Variants in R3HDM2 observed in about 807,000 individuals in gnomAD.
The protein encoded by R3HDM2 is R3H domain containing 2.
R3HDM2 carries 38 observed loss-of-function variants against 124.5 expected under a neutral mutation model. The observed-to-expected ratio is 0.31, with a 90% CI of 0.24 to 0.40. R3HDM2 has a LOEUF of 0.40. Among genes scored for constraint, R3HDM2 ranks in the 10% least tolerant of loss-of-function variants. The probability of loss-of-function intolerance (pLI) is 1.00; values close to 1 mark genes in which losing one functional copy is unlikely to be tolerated. For missense variants in R3HDM2, 869 were observed against 1,236.9 expected (o/e 0.70, Z 4.46); for synonymous variants, 391 against 448.0 (o/e 0.87, Z 1.61).
intron 1 of R3HDM2, among the ~76,000 whole-genome samples, chr12:57,401,439 C>T (rs1240981360): frequency 6.6e-6 from 1 of 152,180 alleles, no homozygotes; most frequent in Non-Finnish European, 1.5e-5. Context: ...CTATCCAGGT[C>T]CAACCAGCCC....
At chr12:57,420,715 C>T (rs1435445655) in intron 1 of R3HDM2, among the ~76,000 whole-genome samples, 1 of 152,018 alleles carries the variant, frequency 6.6e-6, no homozygotes, top group East Asian at 1.9e-4. Flanking sequence ...TCCACTTCCA[C>T]CAGTCACACC....
chr12:57,408,898 G>C (rs2068761789), intron 1 of R3HDM2, among the ~76,000 whole-genome samples: 1 of 148,442 alleles, frequency 6.7e-6, no homozygotes, highest in African/African-American at 2.5e-5. Context: ...AATGAATTTT[G>C]TATACTAATC....
At chr12:57,376,363 C>T (rs576562065) in intron 2 of R3HDM2, among the ~76,000 whole-genome samples, 12 of 152,368 alleles carry the variant, frequency 7.9e-5, no homozygotes, top group African/African-American at 2.6e-4. Flanking sequence ...CTGTTATACA[C>T]GTTCCATTGC....
At chr12:57,320,287 A>AAAAAAAAAAAAAG (rs1566135789) in intron 2 of R3HDM2, among the ~76,000 whole-genome samples, 2 of 147,452 alleles carry the variant, frequency 1.4e-5, no homozygotes, top group Non-Finnish European at 3.0e-5. Flanking sequence ...AAAAAAAAAA[A>AAAAAAAAAAAAAG]AGCCTTAAAC....
chr12:57,396,140 A>C (rs1457644324), intron 1 of R3HDM2, among the ~76,000 whole-genome samples: 1 of 152,158 alleles, frequency 6.6e-6, no homozygotes, highest in African/African-American at 2.4e-5. Flanking sequence ...TTTTTTACTC[A>C]TTAAAAAGAG....
intron 1 of R3HDM2, among the ~76,000 whole-genome samples, chr12:57,413,685 G>A (rs889681158): frequency 6.6e-6 from 1 of 151,324 alleles, no homozygotes; most frequent in Non-Finnish European, 1.5e-5. Context: ...GCAATGAGCC[G>A]AGATCGCACC....
At chr12:57,386,316 A>G (rs1038651918) in intron 2 of R3HDM2, among the ~76,000 whole-genome samples, 39 of 152,202 alleles carry the variant, frequency 2.6e-4, no homozygotes, top group Middle Eastern at 3.4e-3. Context: ...GTGGACGGAG[A>G]GGCACGGGCG....
intron 11 of R3HDM2, among the ~76,000 whole-genome samples, chr12:57,292,004 T>C (rs1182185749): frequency 1.3e-5 from 2 of 152,224 alleles, no homozygotes; most frequent in Non-Finnish European, 1.5e-5. Flanking sequence ...GTAAGAAATA[T>C]AGGAAGAAAG....
chr12:57,426,481 C>T (rs1192097287), intron 1 of R3HDM2, among the ~76,000 whole-genome samples: 1 of 152,158 alleles, frequency 6.6e-6, no homozygotes, highest in African/African-American at 2.4e-5. Context: ...AGGGTAGGAA[C>T]TAGCCCATAA....
intron 19 of R3HDM2, among the ~76,000 whole-genome samples, chr12:57,263,397 G>T (rs2041390860): frequency 6.6e-6 from 1 of 152,206 alleles, no homozygotes; most frequent in African/African-American, 2.4e-5. Context: ...AACAGCCAGA[G>T]AGACCAATAA....
At chr12:57,306,399 C>T (rs2052572458) in intron 3 of R3HDM2, among the ~76,000 whole-genome samples, 1 of 120,506 alleles carries the variant, frequency 8.3e-6, no homozygotes, top group South Asian at 3.2e-4. Context: ...ACTAAGAGGT[C>T]TTACCAAGTT....
In R3HDM2 at chr12:57,296,680, T is replaced by C. The variant is rs534698389; in HGVS notation, c.561-129A>G. On this transcript the variant is annotated intron_variant, in intron 8 of 23. Transcript: ENST00000402412. This position sits in a 1 kb window ranked among gnomAD's most constrained non-coding sequence, Gnocchi z 4.5. Reference sequence around the variant, plus strand: ...AGAAATAGACATATTATAAGGAATATAGATATTTACTAAATGGGAACCAAA... The same window carrying C: ...AGAAATAGACATATTATAAGGAATACAGATATTTACTAAATGGGAACCAAA... 8 of 984,142 alleles carry C rather than the reference T, an allele frequency of 8.1e-6. No homozygotes were observed. The South Asian group carries it at 1.2e-4, about 15-fold the overall frequency. The allele number at this position is 984,142 out of a possible 1,614,324, so 61.0% of individuals were successfully genotyped here.
chr12:57,288,950 A>G (rs1372042891), intron 12 of R3HDM2, 59 bp downstream of exon 12: 4 of 1,548,868 alleles, frequency 2.6e-6, no homozygotes, highest in African/African-American at 1.4e-5. Context: ...TTACAGGATT[A>G]TATTAACCTC....
chr12:57,393,293 G>C (rs537047811), intron 2 of R3HDM2, among the ~76,000 whole-genome samples: 1 of 151,678 alleles, frequency 6.6e-6, no homozygotes, highest in East Asian at 1.9e-4. Context: ...TAGTAGAAAC[G>C]GGGTTTCATC....
chr12:57,330,901 A>G (rs1315287838), intron 2 of R3HDM2, among the ~76,000 whole-genome samples: 1 of 146,920 alleles, frequency 6.8e-6, no homozygotes, highest in Non-Finnish European at 1.5e-5. Context: ...GGGTTTCACC[A>G]TGTTAGCCAG....
intron 11 of R3HDM2, 59 bp downstream of exon 11, chr12:57,292,513 A>C (rs2048867266): frequency 2.5e-6 from 3 of 1,177,238 alleles, no homozygotes; most frequent in Non-Finnish European, 3.7e-6. Context: ...TTCCATTCAC[A>C]GTTCCAATGA....
At chr12:57,351,731 C>T (rs560161243) in intron 2 of R3HDM2, among the ~76,000 whole-genome samples, 1 of 152,024 alleles carries the variant, frequency 6.6e-6, no homozygotes, top group Non-Finnish European at 1.5e-5. Flanking sequence ...AAATTAGAAA[C>T]AAATCACTAA....
chr12:57,345,717 T>C (rs948040729), intron 2 of R3HDM2, among the ~76,000 whole-genome samples: 5 of 151,766 alleles, frequency 3.3e-5, no homozygotes, highest in Non-Finnish European at 7.4e-5. Context: ...TCTATATTTA[T>C]TTTATTTTTT....
chr12:57,351,893 G>A (rs2060715191), intron 2 of R3HDM2, among the ~76,000 whole-genome samples: 1 of 152,062 alleles, frequency 6.6e-6, no homozygotes, highest in Non-Finnish European at 1.5e-5. Context: ...ATTATTGAAT[G>A]GGAAGGCTTA....
Sources: gnomAD v4.1 joint callset for allele counts (sites outside exome capture counted in the v4.1 genomes callset) on GRCh38, gnomAD v4.1.1 for gene constraint, Gnocchi (gnomAD v3.1) non-coding constraint, MANE v1.5 for transcripts, NCBI Gene and HGNC (gene_info 2026-07-23, HGNC 2026-07-21) for gene names.